FLG: variants seen among roughly 807,000 people sequenced by gnomAD.
FLG encodes filaggrin, also known as epidermal filaggrin.
FLG carries 6 observed loss-of-function variants against 3.8 expected under a neutral mutation model. The observed-to-expected ratio is 1.60, with a 90% CI of 0.87 to 3.15. FLG has a LOEUF of 3.15. FLG is among the 30% of genes most tolerant of loss of function. FLG has a pLI of 0.00. For missense variants in FLG, 7,595 were observed against 5,050.9 expected (o/e 1.50, Z -15.27); for synonymous variants, 2,551 against 1,931.6 (o/e 1.32, Z -8.41).
chr1:152,312,742 T>C lies in FLG; in HGVS notation c.2144A>G (p.Gln715Arg). Residue 715 changes from glutamine (Q) to arginine (R), a missense_variant, in exon 3 of 3, where the codon CAG (glutamine) becomes CGG (arginine). By Grantham distance (43) the Gln-to-Arg change is conservative. Transcript: ENST00000368799. Reference sequence around the variant, plus strand: ...TGAGTGTCTGGAGCTGTCTGCTGACTGGAGCTGGTGGCGGGATCCATGTCT... The same window carrying C: ...TGAGTGTCTGGAGCTGTCTGCTGACCGGAGCTGGTGGCGGGATCCATGTCT... Reference protein sequence around the residue: ...GERHGSRHQLQSADSSRHSGT... With the variant: ...GERHGSRHQLRSADSSRHSGT... 6.2e-7 allele frequency: 1 copy of C among 1,613,954 alleles called. No homozygotes were observed. Among genetic ancestry groups the C allele is most frequent in the Non-Finnish European group, 8.5e-7 (1 of 1,179,998 alleles).
chr1:152,312,123 G>A lies in FLG; in HGVS notation c.2763C>T (p.Asp921=), dbSNP rs1372940880. ...GGCCTGCCTGTGAGTGTCTAGAGAT[G>A]TCGGCATGAGAGGAAGCTTCATGGT... ...SRHHEASSHA[D]ISRHSQAGQG... is the part of the protein sequence containing the mutation. The change falls in exon 3 of 3, where the codon GAC becomes GAT. Residue 921 remains aspartate (D), a synonymous_variant. Coordinates refer to ENST00000368799, the MANE Select transcript of FLG (RefSeq NM_002016.2). 2 of 1,614,078 alleles carry A rather than the reference G, an allele frequency of 1.2e-6. No homozygotes were observed. Among genetic ancestry groups the A allele is most frequent in the South Asian group, 1.1e-5 (1 of 91,056 alleles).
rs755434022 is a variant in FLG, at chr1:152,310,033, T to C, written c.4853A>G (p.His1618Arg). Reference protein sequence around the residue: ...ERRSESASRNHYGSAREQSRH... With the variant: ...ERRSESASRNRYGSAREQSRH... ...TGACTGCTCCCGAGCAGATCCATAA[T>C]GGTTTCTGGAAGCCGACTCAGACCG... The change falls in exon 3 of 3, where the codon CAT becomes CGT. Residue 1618 changes from histidine to arginine, a missense_variant. His to Arg is a conservative substitution (Grantham distance 29, BLOSUM62 0). Coordinates refer to ENST00000368799, the MANE Select transcript of FLG (RefSeq NM_002016.2). 3 of 1,613,712 alleles carry C rather than the reference T, an allele frequency of 1.9e-6. No individual in the cohort carries two copies. In the South Asian group the frequency reaches 3.3e-5, roughly 18 times the overall value.
intron 1 of FLG, among the ~76,000 whole-genome samples, chr1:152,321,392 C>G (rs980503622): frequency 6.6e-6 from 1 of 150,654 alleles, no homozygotes; most frequent in African/African-American, 2.4e-5. Flanking sequence ...CAAGATTCAG[C>G]CTTTGAAAAA....
Position 152,311,505 on chromosome 1 carries a change from A to C in FLG, c.3381T>G (p.Ser1127=). The C allele has an allele frequency of 1.2e-6, 2 of 1,613,708 alleles. No homozygotes were observed. Among genetic ancestry groups the C allele is most frequent in the Non-Finnish European group, 1.7e-6 (2 of 1,179,942 alleles). ...TCCTGGTCCGCCCATGGGCAGACTCAGACTGTTCATGAGTGCTCACCTGGT... is the reference window on the plus strand; with the variant it reads ...TCCTGGTCCGCCCATGGGCAGACTCCGACTGTTCATGAGTGCTCACCTGGT... ...FIYQVSTHEQ[S]ESAHGRTRTS... is the part of the protein sequence containing the mutation. Residue 1127 remains serine, a synonymous_variant, in exon 3 of 3, where the codon TCT becomes TCG. Transcript: ENST00000368799.
In FLG at chr1:152,311,220, C is replaced by G. The variant is rs768886062; in HGVS notation, c.3666G>C (p.Lys1222Asn). Residue 1222 changes from lysine (K) to asparagine (N), a missense_variant, in exon 3 of 3, where the codon AAG becomes AAC. Transcript: ENST00000368799. ...TGGAGCCGTCTCCTGATTGTTTGTC[C>G]TTACGAGTTTGTCTGCTTGCACTTC... ...GSRSASRQTR[K>N]DKQSGDGSRH... 7 of 1,613,296 alleles carry G rather than the reference C, an allele frequency of 4.3e-6. No individual in the cohort carries two copies. The highest frequency in any genetic ancestry group is 1.7e-4 in the Middle Eastern group (1 of 6,058).
chr1:152,307,246 G>A lies in FLG; in HGVS notation c.7640C>T (p.Ser2547Leu), dbSNP rs369029216. ...ASSRADSSGH[S>L]QVGQGQSEGP... is the part of the protein sequence containing the mutation. ...CTCTGATTGTCCCTGGCCCACCTGC[G>A]AGTGTCCAGAGCTGTCGGCCCGAGA... The change falls in exon 3 of 3, where the codon TCG becomes TTG. Residue 2547 changes from serine to leucine, a missense_variant. Transcript: ENST00000368799. 14 of 1,612,872 alleles carry A rather than the reference G, an allele frequency of 8.7e-6. No homozygotes were observed. Among genetic ancestry groups the A allele is most frequent in the Middle Eastern group, 3.3e-4 (2 of 6,062 alleles).
chr1:152,313,763 G>T lies in FLG; in HGVS notation c.1123C>A (p.Gln375Lys), dbSNP rs778823415. The change falls in exon 3 of 3, where the codon CAG becomes AAG. Residue 375 changes from glutamine to lysine, a missense_variant. Gln to Lys is a moderately conservative substitution (Grantham distance 53, BLOSUM62 1). Coordinates refer to ENST00000368799, the MANE Select transcript of FLG (RefSeq NM_002016.2). ...CTTTCTCCTGGACTTGATCTTGCCT[G>T]TTCATGGGATGATGCAGTCTGTCCA... ...SRGQTASSHE[Q>K]ARSSPGERHG... 1 of 1,614,052 alleles carries T rather than the reference G, an allele frequency of 6.2e-7. No homozygotes were observed. The highest frequency in any genetic ancestry group is 8.5e-7 in the Non-Finnish European group (1 of 1,179,984).
At position 152,309,744 on chromosome 1, in the gene FLG, G is replaced by A. The variant is rs1312262185; in HGVS notation, c.5142C>T (p.Ser1714=). The A allele has an allele frequency of 1.2e-6, 2 of 1,613,894 alleles. No individual in the cohort carries two copies. Among genetic ancestry groups the A allele is most frequent in the African/African-American group, 2.7e-5 (2 of 74,856 alleles). The change falls in exon 3 of 3, where the codon TCC becomes TCT. Residue 1714 remains serine, a synonymous_variant. Coordinates refer to ENST00000368799, the MANE Select transcript of FLG (RefSeq NM_002016.2). Reference sequence around the variant, plus strand: ...CGCTGTCACTGGCCTGGCTACCACTGGACCCTCGGTTTCCACTGTCTCCGA... The same window carrying A: ...CGCTGTCACTGGCCTGGCTACCACTAGACCCTCGGTTTCCACTGTCTCCGA... ...SVVGDSGNRG[S]SGSQASDSEG...
At position 152,313,587 on chromosome 1, in the gene FLG, GTC is replaced by G. The variant is rs761877421; in HGVS notation, c.1297_1298del (p.Asp433HisfsTer43). ...TTCCGTGGCCTGACACTGATTGTGTGTCTGAGTTTTCTGAATGTCCCTCACTG... is the reference window on the plus strand; with the variant it reads ...TTCCGTGGCCTGACACTGATTGTGTGTGAGTTTTCTGAATGTCCCTCACTG... The part of the protein sequence containing the change: ...SDSEGHSENS[D>X]TQSVSGHGKA... On this transcript the variant is annotated frameshift_variant, in exon 3 of 3. Transcript: ENST00000368799. LOFTEE classifies it low-confidence loss of function (END_TRUNC). 20 of 1,613,812 alleles carry G rather than the reference GTC, an allele frequency of 1.2e-5. No homozygotes were observed. Among genetic ancestry groups the G allele is most frequent in the Non-Finnish European group, 1.7e-5 (20 of 1,179,972 alleles).
chr1:152,304,898 T>C lies in FLG; in HGVS notation c.9988A>G (p.Ser3330Gly), dbSNP rs112773952. The change falls in exon 3 of 3, where the codon AGT (serine) becomes GGT (glycine). Residue 3330 changes from serine to glycine, a missense_variant. Physicochemically the swap from Ser to Gly is moderately conservative, Grantham distance 56. Transcript: ENST00000368799. Reference sequence around the variant, plus strand: ...CTACCACTGGACCCCCAGTGTCTACTGTCTCTGACTGCAGATGAAGCTTGT... The same window carrying C: ...CTACCACTGGACCCCCAGTGTCTACCGTCTCTGACTGCAGATGAAGCTTGT... The part of the protein sequence containing the change: ...RGQASSAVRD[S>G]RHWGSSGSQA... The C allele has an allele frequency of 6.2e-7, 1 of 1,613,868 alleles. No individual in the cohort carries two copies. The highest frequency in any genetic ancestry group is 8.5e-7 in the Non-Finnish European group (1 of 1,179,948).
Position 152,307,754 on chromosome 1 carries a change from A to T in FLG, c.7132T>A (p.Ser2378Thr). ...ASDSEGHSED[S>T]DTQSVSAHGQ... Reference sequence around the variant, plus strand: ...TGGGCTGACACTGACTGTGTGTCTGAGTCTTCTGAATGTCCCTCACTGTCA... The same window carrying T: ...TGGGCTGACACTGACTGTGTGTCTGTGTCTTCTGAATGTCCCTCACTGTCA... Residue 2378 changes from serine (S) to threonine (T), a missense_variant, in exon 3 of 3, where the codon TCA becomes ACA. Ser to Thr is a moderately conservative substitution (Grantham distance 58). Coordinates refer to ENST00000368799, the MANE Select transcript of FLG (RefSeq NM_002016.2). 4 of 1,612,962 alleles carry T rather than the reference A, an allele frequency of 2.5e-6. No homozygotes were observed. The highest frequency in any genetic ancestry group is 3.4e-6 in the Non-Finnish European group (4 of 1,179,690).
Position 152,303,351 on chromosome 1 carries a change from G to A in FLG, c.11535C>T (p.Ser3845=), listed in dbSNP as rs564072147. ...TQADSSRHSQ[S]GQGESAGSRR... is the part of the protein sequence containing the mutation. Reference sequence around the variant, plus strand: ...TGGACCCCGCTGATTCACCCTGGCCGGACTGTGAGTGTCTAGAGCTGTCAG... The same window carrying A: ...TGGACCCCGCTGATTCACCCTGGCCAGACTGTGAGTGTCTAGAGCTGTCAG... The change falls in exon 3 of 3, where the codon TCC becomes TCT. Residue 3845 remains serine, a synonymous_variant. Transcript: ENST00000368799. 140 of 1,614,072 alleles carry A rather than the reference G, an allele frequency of 8.7e-5. No homozygotes were observed. Among genetic ancestry groups the A allele is most frequent in the South Asian group, 2.0e-4 (18 of 91,074 alleles).
chr1:152,305,138 C>T lies in FLG; in HGVS notation c.9748G>A (p.Gly3250Ser), dbSNP rs143078977. 7.5e-4 allele frequency: 1,207 copies of T among 1,613,826 alleles called. 11 individuals are homozygous for T. In the East Asian group the frequency reaches 0.016, roughly 22 times the overall value. ...TGATGGGACCTGGGGTGTCTGGAGC[C>T]GTGCCTTGACTGCTCCTGAACAGAT... ...RGSVQEQSRH[G>S]SRHPRSHHED... Residue 3250 changes from glycine (G) to serine (S), a missense_variant, in exon 3 of 3, where the codon GGC becomes AGC. Transcript: ENST00000368799.
rs1208011173 is a variant in FLG, at chr1:152,310,217, A to T, written c.4669T>A (p.Ser1557Thr). 6.2e-7 allele frequency: 1 copy of T among 1,613,584 alleles called. No individual in the cohort carries two copies. Among genetic ancestry groups the T allele is most frequent in the Non-Finnish European group, 8.5e-7 (1 of 1,179,918 alleles). Residue 1557 changes from serine (S) to threonine (T), a missense_variant, in exon 3 of 3, where the codon TCA becomes ACA. Transcript: ENST00000368799. ...GAAGGTTCATGGTGACGTGACCCTGAGTGCCTGGAGCCGTCTCCTGATTGT... is the reference window on the plus strand; with the variant it reads ...GAAGGTTCATGGTGACGTGACCCTGTGTGCCTGGAGCCGTCTCCTGATTGT... ...EEQSGDGSRH[S>T]GSRHHEPSTR...
rs767792671 is a variant in FLG, at chr1:152,304,798, G to T, written c.10088C>A (p.Pro3363His). The change falls in exon 3 of 3, where the codon CCC becomes CAC. Residue 3363 changes from proline (P) to histidine (H), a missense_variant. Coordinates refer to ENST00000368799, the MANE Select transcript of FLG (RefSeq NM_002016.2). ...QSVSGHGQAG[P>H]HQQSHQESAR... ...GGACTCTTGGTGGCTCTGCTGATGG[G>T]GCCCAGCCTGTCCATGGCCTGACAC... is the stretch of plus-strand genomic sequence containing the variant. 20 of 1,613,696 alleles carry T rather than the reference G, an allele frequency of 1.2e-5. 2 individuals carry two copies. In the South Asian group the frequency reaches 1.8e-4, roughly 14 times the overall value.
In FLG at chr1:152,313,139, GC is replaced by G. The variant is rs1652582909; in HGVS notation, c.1746del (p.Arg582SerfsTer216). The G allele has an allele frequency of 5.6e-6, 9 of 1,613,870 alleles. No individual in the cohort carries two copies. The highest frequency in any genetic ancestry group is 7.6e-6 in the Non-Finnish European group (9 of 1,180,000). ...RNEEQSGDGT[R>X]HSGSRHHEAS... ...GCTTCATGATGACGTGACCCTGAGT[GC>G]CTGGTGCCGTCTCCTGATTGTTCCT... On this transcript the variant is annotated frameshift_variant, in exon 3 of 3. Transcript: ENST00000368799. LOFTEE classifies it low-confidence loss of function (END_TRUNC).
At position 152,315,256 on chromosome 1, in the gene FLG, C is replaced by T. The variant is rs1195593575; in HGVS notation, c.138+63G>A. On this transcript the variant is annotated intron_variant, in intron 2 of 2. Transcript: ENST00000368799. ...AGTTCACAAAGAGCTCAAAATAACC[C>T]TTGCTTAGATTATTGATGAGAAAAA... The T allele has an allele frequency of 1.5e-5, 22 of 1,485,222 alleles. No individual in the cohort carries two copies. The East Asian group carries it at 4.5e-4, about 31-fold the overall frequency. The allele number at this position is 1,485,222 out of a possible 1,614,324, so 92.0% of individuals were successfully genotyped here. A position where few individuals can be genotyped will look rare whatever the true frequency, so the allele number is the denominator to read the frequency against.
At position 152,305,262 on chromosome 1, in the gene FLG, G is replaced by C. The variant is rs774463249; in HGVS notation, c.9624C>G (p.Ser3208Arg). 4 of 1,612,380 alleles carry C rather than the reference G, an allele frequency of 2.5e-6. No homozygotes were observed. The African/African-American group carries it at 5.4e-5, about 22-fold the overall frequency. Reference sequence around the variant, plus strand: ...GGCTCACACTGGATCCCTGGCGCCTGCTTCTCCTGGACCCCTCTGATTGTC... The same window carrying C: ...GGCTCACACTGGATCCCTGGCGCCTCCTTCTCCTGGACCCCTCTGATTGTC... ...VQGQSEGSRR[S>R]RRQGSSVSQD... is the part of the protein sequence containing the mutation. The change falls in exon 3 of 3, where the codon AGC becomes AGG. Residue 3208 changes from serine to arginine, a missense_variant. Ser to Arg is a moderately radical substitution (Grantham distance 110). Transcript: ENST00000368799.
chr1:152,322,488 T>A (rs1029733601), intron 1 of FLG, among the ~76,000 whole-genome samples: 5 of 150,522 alleles, frequency 3.3e-5, no homozygotes, highest in Non-Finnish European at 4.5e-5. Flanking sequence ...GAAAATGAAA[T>A]AAGAAAAGAT....
Sources: allele counts gnomAD v4.1 joint callset (sites outside exome capture counted in the v4.1 genomes callset), GRCh38; gene constraint gnomAD v4.1.1; transcripts MANE v1.5; gene names NCBI Gene and HGNC (gene_info 2026-07-23, HGNC 2026-07-21).